NPEPPS: variants seen among roughly 807,000 people sequenced by gnomAD.
NPEPPS encodes aminopeptidase puromycin sensitive, also known as puromycin-sensitive aminopeptidase.
In NPEPPS, 14 loss-of-function variants were observed where a neutral mutation model predicts 115.5. The ratio of observed to expected loss-of-function variants is 0.12; its 90% confidence interval spans 0.08 to 0.19. The LOEUF (loss-of-function observed/expected upper bound fraction) is 0.19. Ranked by LOEUF, NPEPPS falls within the 10% of genes least tolerant of loss-of-function variation. NPEPPS has a pLI of 1.00. For missense variants in NPEPPS, 523 were observed against 1,110.8 expected, an observed-to-expected ratio of 0.47 and a Z score of 7.52; for synonymous variants, 285 against 390.6, an observed-to-expected ratio of 0.73 and a Z score of 3.19.
intron 3 of NPEPPS, among the ~76,000 whole-genome samples, chr17:47,571,386 A>T (rs751966327): frequency 2.0e-5 from 3 of 152,168 alleles, no homozygotes. Context: ...TTAGTCTTTT[A>T]TTTCAGTGCT....
intron 16 of NPEPPS, among the ~76,000 whole-genome samples, chr17:47,604,757 A>C (rs1370120830): frequency 6.6e-6 from 1 of 152,218 alleles, no homozygotes; most frequent in African/African-American, 2.4e-5. Flanking sequence ...CAGGAGAGTG[A>C]GCTGTTTGTG....
intron 2 of NPEPPS, among the ~76,000 whole-genome samples, chr17:47,566,663 T>A (rs560705816): frequency 6.6e-6 from 1 of 151,684 alleles, no homozygotes; most frequent in Non-Finnish European, 1.5e-5. Context: ...CCACGCATGA[T>A]CCACCCACCT....
At chr17:47,574,371 A>C (rs1404020618) in intron 3 of NPEPPS, among the ~76,000 whole-genome samples, 11 of 152,090 alleles carry the variant, frequency 7.2e-5, no homozygotes, top group Non-Finnish European at 1.5e-4. Flanking sequence ...GTTCAGCATT[A>C]GGAAATATGG....
At chr17:47,594,546 G>A (rs896316442) in intron 12 of NPEPPS, among the ~76,000 whole-genome samples, 1 of 151,268 alleles carries the variant, frequency 6.6e-6, no homozygotes, top group Non-Finnish European at 1.5e-5. Flanking sequence ...GAGTAGCTGG[G>A]ATTACAGGCA....
intron 22 of NPEPPS, 93 bp downstream of exon 22, chr17:47,619,877 G>A: frequency 1.0e-6 from 1 of 996,272 alleles, no homozygotes; most frequent in Admixed American, 1.8e-5. Flanking sequence ...ATGTACTGTA[G>A]CATCTCTGTG....
upstream of NPEPPS, among the ~76,000 whole-genome samples, chr17:47,526,701 G>A (rs1907446206): frequency 6.6e-6 from 1 of 152,138 alleles, no homozygotes; most frequent in South Asian, 2.1e-4. Flanking sequence ...GCTCACGCCT[G>A]TAATCCCAGC....
intron 2 of NPEPPS, among the ~76,000 whole-genome samples, chr17:47,554,080 G>A (rs1386169252): frequency 6.7e-6 from 1 of 149,804 alleles, no homozygotes; most frequent in African/African-American, 2.5e-5. Flanking sequence ...CACTCTTGTT[G>A]CCCAGGCTGG....
chr17:47,600,656 T>A (rs1409627680), intron 14 of NPEPPS, among the ~76,000 whole-genome samples: 3 of 152,220 alleles, frequency 2.0e-5, no homozygotes, highest in Non-Finnish European at 4.4e-5. Flanking sequence ...CATAAAGCTA[T>A]GTAATTTATT....
Position 47,533,740 on chromosome 17 carries a change from G to A in NPEPPS, c.255+2185G>A, listed in dbSNP as rs567415302. Among the ~76,000 whole-genome samples the A allele has an allele frequency of 7.2e-4, 110 of 152,094 alleles. 1 individual carries two copies. Among genetic ancestry groups the A allele is most frequent in the African/African-American group, 2.6e-3 (108 of 41,494 alleles). On this transcript the variant is annotated intron_variant, in intron 1 of 22. Coordinates refer to ENST00000322157, the MANE Select transcript of NPEPPS (RefSeq NM_006310.4). ...GGTTTGTGCCATTGAGTGAGCATAT[G>A]GTAATATACTAGATATTAGCAGGGA... is the stretch of plus-strand genomic sequence containing the variant.
intron 3 of NPEPPS, among the ~76,000 whole-genome samples, chr17:47,571,949 C>T (rs1032880245): frequency 3.3e-5 from 5 of 151,992 alleles, no homozygotes; most frequent in African/African-American, 1.2e-4. Context: ...TACACATGGG[C>T]CATGAGGAGT....
chr17:47,575,409 G>C (rs1911454776), intron 3 of NPEPPS, among the ~76,000 whole-genome samples: 1 of 151,522 alleles, frequency 6.6e-6, no homozygotes, highest in African/African-American at 2.4e-5. Context: ...ATGCTAAATG[G>C]TGAAGCTATT....
intron 10 of NPEPPS, 147 bp from the exon 11 acceptor site, chr17:47,591,809 T>G: frequency 2.0e-6 from 1 of 491,612 alleles, no homozygotes; most frequent in Non-Finnish European, 3.7e-6. Flanking sequence ...GTTACTACAT[T>G]TTTTTGAGGA....
intron 1 of NPEPPS, among the ~76,000 whole-genome samples, chr17:47,536,586 G>T (rs1320766348): frequency 1.3e-5 from 2 of 151,398 alleles, no homozygotes; most frequent in Admixed American, 6.6e-5. Flanking sequence ...GTAGAGACGG[G>T]GTTTCTCCAT....
chr17:47,592,347 G>A (rs911315662), intron 11 of NPEPPS, 138 bp from the exon 12 acceptor site: 20 of 697,768 alleles, frequency 2.9e-5, no homozygotes, highest in Non-Finnish European at 4.2e-5. Flanking sequence ...AAGGCAGTAG[G>A]CATCAGAAGG....
At chr17:47,596,211 G>T in intron 12 of NPEPPS, 142 bp from the exon 13 acceptor site, 1 of 551,352 alleles carries the variant, frequency 1.8e-6, no homozygotes. Context: ...GTGGCAAGGG[G>T]AATGTTAATT....
Position 47,537,642 on chromosome 17 carries a change from G to A in NPEPPS, c.255+6087G>A, listed in dbSNP as rs181867269. 2.0e-5 allele frequency among the ~76,000 whole-genome samples: 3 copies of A among 151,880 alleles called. 1 individual carries two copies. Among genetic ancestry groups the A allele is most frequent in the Non-Finnish European group, 4.4e-5 (3 of 67,940 alleles). Reference sequence around the variant, plus strand: ...CGGGAAGCGGAGGAGCGGAGGTTGCGGTGAGCTGAGATCACGCCATTGCAC... The same window carrying A: ...CGGGAAGCGGAGGAGCGGAGGTTGCAGTGAGCTGAGATCACGCCATTGCAC... On this transcript the variant is annotated intron_variant, in intron 1 of 22. Coordinates refer to ENST00000322157, the MANE Select transcript of NPEPPS (RefSeq NM_006310.4).
intron 21 of NPEPPS, 59 bp from the exon 22 acceptor site, chr17:47,619,678 A>C: frequency 7.4e-7 from 1 of 1,356,978 alleles, no homozygotes. Context: ...TTTAGGGTAA[A>C]TGGAAGTTTG....
At chr17:47,607,702 G>A (rs1342570041) in intron 17 of NPEPPS, among the ~76,000 whole-genome samples, 1 of 152,192 alleles carries the variant, frequency 6.6e-6, no homozygotes, top group Non-Finnish European at 1.5e-5. Flanking sequence ...TAAAGTCTGT[G>A]TATATTTTGA....
At chr17:47,609,308 C>G (rs1913704594) in intron 17 of NPEPPS, among the ~76,000 whole-genome samples, 2 of 152,158 alleles carry the variant, frequency 1.3e-5, no homozygotes, top group African/African-American at 2.4e-5. Context: ...TACATGGACA[C>G]AGATGCAGGT....
Sources: allele counts gnomAD v4.1 joint callset (sites outside exome capture counted in the v4.1 genomes callset), GRCh38; gene constraint gnomAD v4.1.1; transcripts MANE v1.5; gene names NCBI Gene and HGNC (gene_info 2026-07-23, HGNC 2026-07-21).